CSMD1: variants seen among roughly 807,000 people sequenced by gnomAD.
CSMD1 encodes CUB and Sushi multiple domains 1, also known as CUB and sushi domain-containing protein 1.
A neutral mutation model predicts 417.5 loss-of-function variants in CSMD1; 213 were observed. The ratio of observed to expected loss-of-function variants is 0.51; its 90% CI spans 0.46 to 0.57. CSMD1 has a LOEUF of 0.57. Ranked by LOEUF, CSMD1 falls within the 20% of genes least tolerant of loss-of-function variation. The pLI is 0.00. For synonymous variants in CSMD1, 2,862 were observed against 1,736.8 expected (o/e 1.65, Z -16.11); for missense variants, 6,923 against 4,529.7 (o/e 1.53, Z -15.17).
intron 1 of CSMD1, among the ~76,000 whole-genome samples, chr8:4,780,147 T>C (rs925350052): frequency 2.0e-5 from 3 of 152,212 alleles, no homozygotes; most frequent in Non-Finnish European, 2.9e-5. Context: ...TGTGCCATAA[T>C]TGGCCAGACC....
intron 2 of CSMD1, among the ~76,000 whole-genome samples, chr8:4,444,992 T>A (rs1440353837): frequency 1.3e-5 from 2 of 152,240 alleles, no homozygotes; most frequent in Non-Finnish European, 2.9e-5. Flanking sequence ...TCCCTTCTCT[T>A]GCATTTGATT....
At chr8:4,576,051 T>TC (rs775713994) in intron 2 of CSMD1, among the ~76,000 whole-genome samples, 45 of 152,348 alleles carry the variant, frequency 3.0e-4, no homozygotes, top group Admixed American at 9.8e-4. Flanking sequence ...TCTTTCAACA[T>TC]CCACTCTTCT....
intron 5 of CSMD1, among the ~76,000 whole-genome samples, chr8:3,956,312 C>T (rs79399240): frequency 2.2e-3 from 336 of 152,274 alleles, no homozygotes; most frequent in African/African-American, 7.7e-3. Flanking sequence ...TTATCCCCAT[C>T]TCAAGATGGG....
intron 2 of CSMD1, among the ~76,000 whole-genome samples, chr8:4,580,624 C>G (rs1799369472): frequency 6.6e-6 from 1 of 152,144 alleles, no homozygotes; most frequent in African/African-American, 2.4e-5. Flanking sequence ...CCTCCTTCTT[C>G]TTCGTGGCAT....
At position 3,004,921 on chromosome 8, in the gene CSMD1, C is replaced by G. The variant is rs1367171970; in HGVS notation, c.8030-4790G>C. Among the ~76,000 whole-genome samples, 4 of 152,074 alleles carry G rather than the reference C, an allele frequency of 2.6e-5. No homozygotes were observed. The East Asian group carries it at 7.7e-4, about 29-fold the overall frequency. Reference sequence around the variant, plus strand: ...TGGGATGCTGAGGTAGGTGGATCACCTGAGGTCAGGAGTTCGAGACCAGCC... The same window carrying G: ...TGGGATGCTGAGGTAGGTGGATCACGTGAGGTCAGGAGTTCGAGACCAGCC... On this transcript the variant is annotated intron_variant, in intron 52 of 69. Coordinates refer to ENST00000635120, the MANE Select transcript of CSMD1 (RefSeq NM_033225.6).
At chr8:4,956,031 G>A (rs1046604833) in intron 1 of CSMD1, among the ~76,000 whole-genome samples, 4 of 152,152 alleles carry the variant, frequency 2.6e-5, no homozygotes, top group East Asian at 3.8e-4. Context: ...CTCCAGTCAC[G>A]TGCTCAAAGA....
intron 2 of CSMD1, among the ~76,000 whole-genome samples, chr8:4,600,991 T>C (rs866875885): frequency 1.3e-5 from 2 of 149,192 alleles, no homozygotes; most frequent in African/African-American, 4.9e-5. Flanking sequence ...AGTTTTGCTC[T>C]CGTCACCCAG....
intron 3 of CSMD1, among the ~76,000 whole-genome samples, chr8:4,226,132 G>C (rs114783899): frequency 6.6e-6 from 1 of 151,182 alleles, no homozygotes; most frequent in Non-Finnish European, 1.5e-5. Context: ...ACACTTGCTA[G>C]CATGAGAGTT....
At chr8:4,059,277 G>A (rs978829065) in intron 3 of CSMD1, among the ~76,000 whole-genome samples, 3 of 151,942 alleles carry the variant, frequency 2.0e-5, no homozygotes, top group African/African-American at 7.3e-5. Context: ...AGAATCTCTG[G>A]GACACATTCA....
At chr8:3,963,092 G>A (rs1385667824) in intron 5 of CSMD1, among the ~76,000 whole-genome samples, 1 of 152,030 alleles carries the variant, frequency 6.6e-6, no homozygotes, top group African/African-American at 2.4e-5. Context: ...AACCACGTCT[G>A]GCTAATTTTT....
At chr8:4,626,555 C>T (rs1024404700) in intron 2 of CSMD1, among the ~76,000 whole-genome samples, 6 of 151,978 alleles carry the variant, frequency 3.9e-5, no homozygotes, top group Non-Finnish European at 8.8e-5. Context: ...AGAAGGAGAT[C>T]AACAAGAGCT....
chr8:3,497,438 G>A (rs1429064314), intron 10 of CSMD1, among the ~76,000 whole-genome samples: 1 of 151,912 alleles, frequency 6.6e-6, no homozygotes, highest in Non-Finnish European at 1.5e-5. Context: ...ACACAGTCTT[G>A]CTCTGTCACC....
intron 1 of CSMD1, among the ~76,000 whole-genome samples, chr8:4,853,971 T>C (rs1011255937): frequency 1.3e-5 from 2 of 152,294 alleles, no homozygotes; most frequent in East Asian, 1.9e-4. Flanking sequence ...CCATTTTTTT[T>C]CCTTTGGTAT....
At chr8:4,609,356 G>A (rs552478058) in intron 2 of CSMD1, among the ~76,000 whole-genome samples, 1 of 152,312 alleles carries the variant, frequency 6.6e-6, no homozygotes, top group East Asian at 1.9e-4. Flanking sequence ...AGCCGAGACT[G>A]CGTGACTGCA....
chr8:4,527,976 T>A (rs967791736), intron 2 of CSMD1, among the ~76,000 whole-genome samples: 1 of 152,142 alleles, frequency 6.6e-6, no homozygotes. Flanking sequence ...TCAGTCTCTA[T>A]AGAATCCATG....
At chr8:4,304,945 G>C (rs774127035) in intron 3 of CSMD1, among the ~76,000 whole-genome samples, 3 of 151,980 alleles carry the variant, frequency 2.0e-5, no homozygotes, top group Admixed American at 6.6e-5. Flanking sequence ...TCTTTTATCA[G>C]GCTGTGGTAT....
At chr8:3,862,815 C>T (rs575126239) in intron 5 of CSMD1, among the ~76,000 whole-genome samples, 3 of 152,274 alleles carry the variant, frequency 2.0e-5, no homozygotes, top group South Asian at 2.1e-4. Flanking sequence ...CATTGCCTGC[C>T]CTCAAATGGC....
At chr8:4,101,026 G>C (rs897615427) in intron 3 of CSMD1, among the ~76,000 whole-genome samples, 2 of 152,152 alleles carry the variant, frequency 1.3e-5, no homozygotes, top group African/African-American at 4.8e-5. Context: ...CACGCAGCCT[G>C]TGATTGCAGA....
intron 1 of CSMD1, among the ~76,000 whole-genome samples, chr8:4,746,701 G>A (rs1810976995): frequency 6.6e-6 from 1 of 152,138 alleles, no homozygotes; most frequent in Non-Finnish European, 1.5e-5. Context: ...CATACTCTGA[G>A]CTGCTGGGGC....
Sources: gnomAD v4.1 joint callset for allele counts (sites outside exome capture counted in the v4.1 genomes callset) on GRCh38, gnomAD v4.1.1 for gene constraint, MANE v1.5 for transcripts, NCBI Gene and HGNC (gene_info 2026-07-23, HGNC 2026-07-21) for gene names.